The following IQCM variants were observed in gnomAD, a reference collection of about 807,000 sequenced individuals.
IQCM encodes the protein IQ domain-containing protein M.
IQCM carries 45 observed loss-of-function variants against 57.6 expected under a neutral mutation model. The observed-to-expected ratio is 0.78, with a 90% confidence interval of 0.62 to 1.00. IQCM has a LOEUF of 1.00. IQCM is among the 50% of genes least tolerant of loss of function. The pLI, the probability that IQCM is intolerant of heterozygous loss-of-function variation, is 0.00. For synonymous variants in IQCM, 148 were observed against 158.9 expected, an observed-to-expected ratio of 0.93 and a Z score of 0.51; for missense variants, 468 against 511.6, an observed-to-expected ratio of 0.91 and a Z score of 0.82.
intron 7 of IQCM, among the ~76,000 whole-genome samples, chr4:149,643,328 AC>A (rs1758366323): frequency 2.6e-5 from 4 of 152,196 alleles, no homozygotes; most frequent in Non-Finnish European, 5.9e-5. Context: ...TAAAAAGTAT[AC>A]CATCTAATGG....
chr4:149,436,132 T>C (rs961796231), intron 12 of IQCM, among the ~76,000 whole-genome samples: 8 of 152,148 alleles, frequency 5.3e-5, no homozygotes, highest in Admixed American at 1.3e-4. Context: ...CAAGCTCCAT[T>C]CATGTTAAGT....
intron 2 of IQCM, among the ~76,000 whole-genome samples, chr4:149,803,146 G>T (rs1043921861): frequency 6.6e-6 from 1 of 151,832 alleles, no homozygotes; most frequent in African/African-American, 2.4e-5. Context: ...ATATACTCTT[G>T]AATATTTGGT....
chr4:149,776,565 A>T (rs1284786907), intron 2 of IQCM, among the ~76,000 whole-genome samples: 2 of 152,220 alleles, frequency 1.3e-5, no homozygotes, highest in African/African-American at 4.8e-5. Context: ...ATATAAAGAT[A>T]TAGGGAGAAA....
intron 8 of IQCM, among the ~76,000 whole-genome samples, chr4:149,610,812 A>C (rs553195132): frequency 8.1e-4 from 123 of 152,110 alleles, no homozygotes; most frequent in Non-Finnish European, 1.5e-3. Context: ...GGTCTTGGCA[A>C]AGATTTCTTG....
At chr4:149,487,357 A>G (rs1741631941) in intron 12 of IQCM, among the ~76,000 whole-genome samples, 2 of 152,060 alleles carry the variant, frequency 1.3e-5, no homozygotes, top group Non-Finnish European at 2.9e-5. Flanking sequence ...AGCAGAAAGG[A>G]TTCACTTTCA....
chr4:149,383,782 C>G (rs1731233593), intron 13 of IQCM, among the ~76,000 whole-genome samples: 1 of 152,054 alleles, frequency 6.6e-6, no homozygotes, highest in Non-Finnish European at 1.5e-5. Context: ...GGAGAAACCA[C>G]ATCTCCACTA....
Position 149,510,417 on chromosome 4 carries a change from G to T in IQCM, c.1228+38038C>A, listed in dbSNP as rs557638797. 2.2e-4 allele frequency among the ~76,000 whole-genome samples: 34 copies of T among 152,150 alleles called. No homozygotes were observed. In the East Asian group the frequency reaches 3.7e-3, roughly 16 times the overall value. On this transcript the variant is annotated intron_variant, in intron 12 of 13. Transcript: ENST00000636793. ...CAAGTATTATTTGCAAATCTATCAT[G>T]TCATAGCCATACACTGTTTTTCACT...
At chr4:149,385,773 T>C (rs1388756257) in intron 13 of IQCM, among the ~76,000 whole-genome samples, 5 of 152,140 alleles carry the variant, frequency 3.3e-5, no homozygotes, top group African/African-American at 1.2e-4. Context: ...ATCTTTCAAA[T>C]AAGTTGAAGT....
Position 149,764,598 on chromosome 4 carries a change from G to A in IQCM, c.-48-21859C>T, listed in dbSNP as rs374475795. Among the ~76,000 whole-genome samples, 103 of 152,176 alleles carry A rather than the reference G, an allele frequency of 6.8e-4. No individual in the cohort carries two copies. In the South Asian group the frequency reaches 9.1e-3, roughly 13 times the overall value. On this transcript the variant is annotated intron_variant, in intron 2 of 13. Transcript: ENST00000636793. ...TTGTATGACTCCCCTGCATATGTGT[G>A]CACATCAACAAATGTTGAATGCCTT...
chr4:149,643,630 C>A (rs945304167), intron 7 of IQCM, among the ~76,000 whole-genome samples: 36 of 152,116 alleles, frequency 2.4e-4, no homozygotes, highest in African/African-American at 7.0e-4. Context: ...GGCTTAAGTA[C>A]CGAGCACTGT....
At chr4:149,452,087 T>C (rs558508071) in intron 12 of IQCM, among the ~76,000 whole-genome samples, 1 of 151,704 alleles carries the variant, frequency 6.6e-6, no homozygotes, top group East Asian at 1.9e-4. Context: ...CAGAAATTAA[T>C]ATAAAAATTG....
chr4:149,601,266 G>C (rs1754266957), intron 8 of IQCM, among the ~76,000 whole-genome samples: 1 of 151,896 alleles, frequency 6.6e-6, no homozygotes, highest in Non-Finnish European at 1.5e-5. Flanking sequence ...CTGACCCATG[G>C]ACAACACATA....
At chr4:149,562,503 T>G (rs890048232) in intron 10 of IQCM, among the ~76,000 whole-genome samples, 8 of 152,276 alleles carry the variant, frequency 5.3e-5, no homozygotes, top group African/African-American at 1.4e-4. Flanking sequence ...AGAAAATTAG[T>G]TCATCTCATT....
rs181452919 is a variant in IQCM, at chr4:149,600,952, G to A, written c.682-12955C>T. On this transcript the variant is annotated intron_variant, in intron 8 of 13. Transcript: ENST00000636793. ...AATGTATTTCTAATATCTTTGATTGGGTATTATCTCATTCCTCAACTTTCA... is the reference window on the plus strand; with the variant it reads ...AATGTATTTCTAATATCTTTGATTGAGTATTATCTCATTCCTCAACTTTCA... 3.9e-5 allele frequency among the ~76,000 whole-genome samples: 6 copies of A among 151,974 alleles called. No homozygotes were observed. In the East Asian group the frequency reaches 1.2e-3, roughly 29 times the overall value.
chr4:149,354,993 A>T (rs1321170398), intron 13 of IQCM, among the ~76,000 whole-genome samples: 1 of 152,152 alleles, frequency 6.6e-6, no homozygotes, highest in Non-Finnish European at 1.5e-5. Flanking sequence ...GTAAAAGTAG[A>T]ATAATGATAA....
At chr4:149,428,593 A>G (rs1734614235) in intron 13 of IQCM, among the ~76,000 whole-genome samples, 1 of 151,874 alleles carries the variant, frequency 6.6e-6, no homozygotes, top group South Asian at 2.1e-4. Flanking sequence ...CTTATGTTAC[A>G]AAGTAGAAAA....
At chr4:149,544,123 A>G (rs1478756488) in intron 12 of IQCM, among the ~76,000 whole-genome samples, 3 of 152,140 alleles carry the variant, frequency 2.0e-5, no homozygotes, top group African/African-American at 7.2e-5. Context: ...AAAGATCCTG[A>G]AATGTTTGTT....
chr4:149,657,823 AG>A (rs1759768998), intron 7 of IQCM, among the ~76,000 whole-genome samples: 2 of 151,930 alleles, frequency 1.3e-5, no homozygotes, highest in Admixed American at 1.3e-4. Flanking sequence ...ATGCCTATTA[AG>A]GTCTCTTGCC....
chr4:149,602,278 G>A lies in IQCM; in HGVS notation c.682-14281C>T, dbSNP rs548422761. On this transcript the variant is annotated intron_variant, in intron 8 of 13. Transcript: ENST00000636793. ...AGGAATTTGAACATTACTGGAATTT[G>A]GTATCTGCTGAATATCAATTCAGAA... 7.2e-5 allele frequency among the ~76,000 whole-genome samples: 11 copies of A among 152,152 alleles called. No individual in the cohort carries two copies. In the South Asian group the frequency reaches 2.1e-3, roughly 29 times the overall value.
Sources: allele counts gnomAD v4.1 joint callset (sites outside exome capture counted in the v4.1 genomes callset), GRCh38; gene constraint gnomAD v4.1.1; transcripts MANE v1.5; gene names NCBI Gene and HGNC (gene_info 2026-07-23, HGNC 2026-07-21).